Variants in DMBT1 observed in about 807,000 individuals in gnomAD.
The protein encoded by DMBT1 is deleted in malignant brain tumors 1.
DMBT1 carries 198 observed loss-of-function variants against 252.9 expected under a neutral mutation model. The observed-to-expected ratio is 0.78, with a 90% CI of 0.70 to 0.88. The LOEUF is 0.88. DMBT1 is among the 40% of genes least tolerant of loss of function. DMBT1 has a pLI of 0.00. For synonymous variants in DMBT1, 990 were observed against 942.7 expected (o/e 1.05, Z -0.92); for missense variants, 2,432 against 2,404.7 (o/e 1.01, Z -0.24).
At chr10:122,592,085 C>T (rs1424950126) in intron 19 of DMBT1, among the ~76,000 whole-genome samples, 187 bp from the exon 20 acceptor site, 2 of 148,470 alleles carry the variant, frequency 1.3e-5, no homozygotes, top group Non-Finnish European at 3.0e-5. Context: ...CTCCATAAAC[C>T]CAGGCAGAAT....
In DMBT1 at chr10:122,598,895, T is replaced by C. The variant is rs779660962; in HGVS notation, c.3078T>C (p.Asp1026=). Residue 1026 remains aspartate, a synonymous_variant, in exon 26 of 56, where the codon GAT becomes GAC. Transcript: ENST00000338354. ...GCGATGACAGCTGGGACACCAATGA[T>C]GCCAATGTCGTCTGCAGGCAACTGG... ...TVCDDSWDTN[D]ANVVCRQLGC... is the part of the protein sequence containing the mutation. The C allele has an allele frequency of 1.2e-6, 2 of 1,613,734 alleles. No homozygotes were observed. Among genetic ancestry groups the C allele is most frequent in the Non-Finnish European group, 1.7e-6 (2 of 1,179,782 alleles).
At chr10:122,620,579 G>T (rs1401627235) in intron 43 of DMBT1, among the ~76,000 whole-genome samples, 1 of 152,242 alleles carries the variant, frequency 6.6e-6, no homozygotes, top group African/African-American at 2.4e-5. Flanking sequence ...CTGGGACCTT[G>T]TTCCTGGCCC....
intron 46 of DMBT1, among the ~76,000 whole-genome samples, chr10:122,628,362 G>A (rs182318866): frequency 7.9e-5 from 12 of 152,284 alleles, no homozygotes; most frequent in South Asian, 6.2e-4. Flanking sequence ...GTGGCCGGGC[G>A]CGGTGGCTCA....
At chr10:122,588,808 TG>T in intron 16 of DMBT1, 135 bp from the exon 17 acceptor site, 1 of 1,450,244 alleles carries the variant, frequency 6.9e-7, no homozygotes, top group Non-Finnish European at 9.4e-7. Flanking sequence ...GCTGAACCTC[TG>T]GTTGCAGTCA....
chr10:122,579,743 C>T lies in DMBT1; in HGVS notation c.845C>T (p.Ser282Leu). Residue 282 changes from serine (S) to leucine (L), a missense_variant, in exon 10 of 56, where the codon TCA (serine) becomes TTA (leucine). Coordinates refer to ENST00000338354, the MANE Select transcript of DMBT1 (RefSeq NM_001377530.1). ...CAGCTGGGCTGTGGCTGGGCCATGT[C>T]AGCCCCAGGAAATGCCCAGTTTGGC... Reference protein sequence around the residue: ...CRQLGCGWAMSAPGNAQFGQG... With the variant: ...CRQLGCGWAMLAPGNAQFGQG... 2 of 1,613,818 alleles carry T rather than the reference C, an allele frequency of 1.2e-6. No individual in the cohort carries two copies. Among genetic ancestry groups the T allele is most frequent in the South Asian group, 1.1e-5 (1 of 91,070 alleles).
At chr10:122,591,131 G>A (rs1342246484) in intron 18 of DMBT1, among the ~76,000 whole-genome samples, 2 of 148,684 alleles carry the variant, frequency 1.3e-5, no homozygotes, top group African/African-American at 2.4e-5. Context: ...CCCTTAGGCA[G>A]CTCCCTGATC....
In DMBT1 at chr10:122,592,713, A is replaced by C. The variant is rs2097859317; in HGVS notation, c.2500+118A>C. 9.4e-6 allele frequency: 14 copies of C among 1,490,956 alleles called. 3 individuals carry two copies. In the South Asian group the frequency reaches 1.9e-4, roughly 20 times the overall value. The allele number at this position is 1,490,956 out of a possible 1,614,324, so 92.4% of individuals were successfully genotyped here. On this transcript the variant is annotated intron_variant, in intron 20 of 55. Coordinates refer to ENST00000338354, the MANE Select transcript of DMBT1 (RefSeq NM_001377530.1). Reference sequence around the variant, plus strand: ...TCTTCTATGTTTCCTATATTTATGTAGTCTTGTTAGCTCTCTGCTAAGGAT... The same window carrying C: ...TCTTCTATGTTTCCTATATTTATGTCGTCTTGTTAGCTCTCTGCTAAGGAT...
chr10:122,579,946 G>C, intron 10 of DMBT1, 45 bp downstream of exon 10: 6 of 1,612,752 alleles, frequency 3.7e-6, no homozygotes, highest in East Asian at 2.2e-5. Flanking sequence ...GGTGGAGTTT[G>C]CTCCAAAAGA....
chr10:122,637,116 C>T lies in DMBT1; in HGVS notation c.6758-12C>T, dbSNP rs1337585782. The T allele has an allele frequency of 3.1e-6, 5 of 1,612,318 alleles. No homozygotes were observed. In the African/African-American group the frequency reaches 6.7e-5, roughly 22 times the overall value. On this transcript the variant is annotated splice_polypyrimidine_tract_variant and intron_variant, in intron 53 of 55. Coordinates refer to ENST00000338354, the MANE Select transcript of DMBT1 (RefSeq NM_001377530.1). Reference sequence around the variant, plus strand: ...GCAGTGACTGAGTGCCTTATCTGTCCTTGTCTATCAGACCTGCTCTGTCTG... The same window carrying T: ...GCAGTGACTGAGTGCCTTATCTGTCTTTGTCTATCAGACCTGCTCTGTCTG...
At chr10:122,600,182 G>T in intron 27 of DMBT1, 89 bp downstream of exon 27, 1 of 1,509,090 alleles carries the variant, frequency 6.6e-7, no homozygotes, top group South Asian at 1.2e-5. Flanking sequence ...CTGTTTCTCT[G>T]TGTGGATACT....
rs2098144490 is a variant in DMBT1 at position 122,629,735 on chromosome 10, A to T, written c.5669-105A>T. 3 of 1,361,960 alleles carry T rather than the reference A, an allele frequency of 2.2e-6. No individual in the cohort carries two copies. The African/African-American group carries it at 4.4e-5, about 20-fold the overall frequency. 84.4% of individuals were successfully genotyped at this position (1,361,960 alleles called of 1,614,324 possible). On this transcript the variant is annotated intron_variant, in intron 46 of 55. Transcript: ENST00000338354. ...TTTACAGGGAAAGTTAAGTCTTGTTATAAAGTGCAGAAGATGAAACTGGAT... is the reference window on the plus strand; with the variant it reads ...TTTACAGGGAAAGTTAAGTCTTGTTTTAAAGTGCAGAAGATGAAACTGGAT...
rs2097713751 is a variant in DMBT1, at chr10:122,576,511, C to T, written c.396C>T (p.Asp132=). ...GCACCGTGTGTGATGACAGCTGGGA[C>T]ACCAATGATGCCAACGTGGTCTGTA... ...SWGTVCDDSW[D]TNDANVVCRQ... Residue 132 remains aspartate, a synonymous_variant, in exon 7 of 56, where the codon GAC becomes GAT. Transcript: ENST00000338354. The T allele has an allele frequency of 5.6e-6, 9 of 1,613,952 alleles. No homozygotes were observed. Among genetic ancestry groups the T allele is most frequent in the Middle Eastern group, 1.6e-4 (1 of 6,062 alleles).
rs560880257 is a variant in DMBT1, at chr10:122,625,935, T to G, written c.5638T>G (p.Trp1880Gly). ...ATQINSTTTDWWHPTTTTTAR... is the reference protein window; with the variant it reads ...ATQINSTTTDGWHPTTTTTAR... The stretch of plus-strand genomic sequence containing the variant: ...AACAGCTTCATTTTTTTTTCTAGAT[T>G]GGTGGCATCCAACAACTACAACCAC... The change falls in exon 46 of 56, where the codon TGG becomes GGG. Residue 1880 changes from tryptophan (W) to glycine (G), a missense_variant and splice_region_variant. Physicochemically the swap from Trp to Gly is radical, Grantham distance 184. Transcript: ENST00000338354. The G allele has an allele frequency of 6.2e-7, 1 of 1,611,576 alleles. No homozygotes were observed. The highest frequency in any genetic ancestry group is 1.1e-5 in the South Asian group (1 of 91,024).
chr10:122,618,376 T>G, intron 41 of DMBT1, 36 bp downstream of exon 41: 1 of 1,613,628 alleles, frequency 6.2e-7, no homozygotes, highest in Non-Finnish European at 8.5e-7. Flanking sequence ...CTCTCTTAAG[T>G]TGAAGTTTGC....
Position 122,598,954 on chromosome 10 carries a change from C to A in DMBT1, c.3137C>A (p.Ala1046Asp), listed in dbSNP as rs746028601. Reference sequence around the variant, plus strand: ...TGGGCCATGTCAGCCCCAGGAAATGCCCGGTTTGGTCAGGGCTCAGGACCC... The same window carrying A: ...TGGGCCATGTCAGCCCCAGGAAATGACCGGTTTGGTCAGGGCTCAGGACCC... ...CGWAMSAPGN[A>D]RFGQGSGPIV... Residue 1046 changes from alanine (A) to aspartate (D), a missense_variant, in exon 26 of 56, where the codon GCC (alanine) becomes GAC (aspartate). By Grantham distance (126) the Ala-to-Asp change is moderately radical (BLOSUM62 -2). This residue lies in a region of DMBT1 where 1,264 missense variants were observed against 1,082.2 expected (regional missense o/e 1.17). Transcript: ENST00000338354. 1.9e-6 allele frequency: 3 copies of A among 1,613,780 alleles called. No homozygotes were observed. Among genetic ancestry groups the A allele is most frequent in the Admixed American group, 1.7e-5 (1 of 60,016 alleles).
chr10:122,589,641 G>A (rs752570906), intron 17 of DMBT1, among the ~76,000 whole-genome samples: 13 of 148,610 alleles, frequency 8.7e-5, no homozygotes, highest in African/African-American at 1.9e-4. Flanking sequence ...GCATAGGAGC[G>A]TGGTATCTGC....
chr10:122,637,977 A>T (rs117368057), intron 54 of DMBT1, among the ~76,000 whole-genome samples: 2 of 152,234 alleles, frequency 1.3e-5, no homozygotes, highest in Non-Finnish European at 2.9e-5. Context: ...ATTATACTGA[A>T]GTTTTCAACA....
chr10:122,629,026 G>A (rs1270984911), intron 46 of DMBT1, among the ~76,000 whole-genome samples: 1 of 152,126 alleles, frequency 6.6e-6, no homozygotes, highest in Non-Finnish European at 1.5e-5. Context: ...GTGTGCACAT[G>A]TTTTTAAAAA....
intron 11 of DMBT1, 88 bp downstream of exon 11, chr10:122,580,983 T>G (rs577833968): frequency 1.2e-5 from 18 of 1,544,350 alleles, no homozygotes; most frequent in Non-Finnish European, 1.5e-5. Flanking sequence ...CCTGTTTCTC[T>G]GTGTGGATAC....
Sources: allele counts gnomAD v4.1 joint callset (sites outside exome capture counted in the v4.1 genomes callset), GRCh38; gene constraint gnomAD v4.1.1; regional missense constraint gnomAD v4.1.1; transcripts MANE v1.5; gene names NCBI Gene and HGNC (gene_info 2026-07-23, HGNC 2026-07-21).